LUZP4: variants seen among roughly 807,000 people sequenced by gnomAD.
LUZP4 encodes the protein leucine zipper protein 4, also known as HOM-TES-85 tumor antigen.
Under a neutral mutation model 8.5 loss-of-function variants are expected in LUZP4, and 11 were observed. That is an observed-to-expected ratio of 1.30 (90% CI 0.82 to 2.14). The LOEUF (loss-of-function observed/expected upper bound fraction) is 2.14, where lower values mean the gene tolerates loss of function less well. LUZP4 is among the 30% of genes most tolerant of loss of function. The probability of loss-of-function intolerance (pLI) is 0.00; values close to 1 mark genes in which losing one functional copy is unlikely to be tolerated. For synonymous variants in LUZP4, 104 were observed against 79.4 expected (o/e 1.31, Z -1.65); for missense variants, 276 against 229.7 (o/e 1.20, Z -1.30).
chrX:115,301,951 T>A, intron 1 of LUZP4, 41 bp from the exon 2 acceptor site: 1 of 999,391 alleles, frequency 1.0e-6, no homozygotes, highest in South Asian at 2.6e-5. Flanking sequence ...ATTATTTGGC[T>A]TTTGCCATTT....
chrX:115,303,668 G>A (rs1222568395), intron 3 of LUZP4, among the ~76,000 whole-genome samples: 1 of 112,005 alleles, frequency 8.9e-6, no homozygotes, highest in African/African-American at 3.2e-5. Flanking sequence ...CGCCAAAATA[G>A]ATTATTAATT....
intron 3 of LUZP4, among the ~76,000 whole-genome samples, chrX:115,304,195 A>G (rs1556602828): frequency 8.9e-6 from 1 of 112,424 alleles, no homozygotes; most frequent in African/African-American, 3.2e-5. Context: ...ATGATACCAG[A>G]ACAGCCTGCT....
intron 1 of LUZP4, among the ~76,000 whole-genome samples, chrX:115,297,114 C>T (rs1268652453): frequency 3.6e-5 from 4 of 111,602 alleles, no homozygotes; most frequent in Admixed American, 2.9e-4. Flanking sequence ...CAATTACGCT[C>T]TTTATTTTAA....
At position 115,303,379 on chromosome X, in the gene LUZP4, T is replaced by C. The variant is rs2073406560; in HGVS notation, c.303T>C (p.Ser101=). Residue 101 remains serine, a synonymous_variant, in exon 3 of 4, where the codon TCT becomes TCC. Transcript: ENST00000371920. ...KPSQKPSGFK[S]GQHPLNGQPL... The stretch of plus-strand genomic sequence containing the variant: ...CCCAAAAACCTTCTGGATTCAAGTC[T>C]GGACAACACCCTTTAAATGGGCAGC... The C allele has an allele frequency of 5.9e-6, 7 of 1,188,355 alleles. No individual in the cohort carries two copies. The African/African-American group carries it at 7.0e-5, about 12-fold the overall frequency.
In LUZP4 at chrX:115,289,784, C is replaced by G; in HGVS notation, c.25C>G (p.Leu9Val). 1 of 1,209,641 alleles carries G rather than the reference C, an allele frequency of 8.3e-7. No homozygotes were observed. Among genetic ancestry groups the G allele is most frequent in the Non-Finnish European group, 1.1e-6 (1 of 893,943 alleles). MASFRKLT[L>V]SEKVPPNHPS... ...GATGGCTTCGTTTCGGAAGCTAACG[C>G]TTTCTGAAAAAGTGCCGCCAAATCA... The change falls in exon 1 of 4, where the codon CTT (leucine) becomes GTT (valine). Residue 9 changes from leucine (L) to valine (V), a missense_variant. Transcript: ENST00000371920.
chrX:115,293,749 G>A (rs1001412917), intron 1 of LUZP4, among the ~76,000 whole-genome samples: 13 of 110,034 alleles, frequency 1.2e-4, no homozygotes, highest in Non-Finnish European at 1.5e-4. Context: ...TCAGGAGTTC[G>A]AGACCAGCCT....
intron 1 of LUZP4, among the ~76,000 whole-genome samples, chrX:115,299,143 A>C (rs781876101): frequency 4.5e-5 from 5 of 111,147 alleles, no homozygotes; most frequent in African/African-American, 1.3e-4. Context: ...TTTTCTCCTA[A>C]ACAAACAGAG....
At chrX:115,295,375 G>A (rs1296280348) in intron 1 of LUZP4, among the ~76,000 whole-genome samples, 1 of 112,314 alleles carries the variant, frequency 8.9e-6, no homozygotes, top group Non-Finnish European at 1.9e-5. Context: ...CACCGTGCCA[G>A]GCTGAGGCCC....
chrX:115,297,539 C>A (rs1344427003), intron 1 of LUZP4, among the ~76,000 whole-genome samples: 1 of 111,816 alleles, frequency 8.9e-6, no homozygotes, highest in Non-Finnish European at 1.9e-5. Context: ...ATATGCTATT[C>A]TAAGGTAAAG....
intron 1 of LUZP4, among the ~76,000 whole-genome samples, chrX:115,290,997 G>A (rs782788292): frequency 1.4e-4 from 16 of 111,217 alleles, no homozygotes; most frequent in Non-Finnish European, 2.6e-4. Flanking sequence ...GTAGAGCGAG[G>A]TTTCACCATG....
chrX:115,296,727 G>T (rs186659844), intron 1 of LUZP4, among the ~76,000 whole-genome samples: 1 of 111,377 alleles, frequency 9.0e-6, no homozygotes, highest in Admixed American at 9.6e-5. Flanking sequence ...AAATCAAATG[G>T]TGGTCTCTGG....
In LUZP4 at chrX:115,303,302, T is replaced by C. The variant is rs1415518126; in HGVS notation, c.226T>C (p.Tyr76His). 1.9e-6 allele frequency: 2 copies of C among 1,077,295 alleles called. No homozygotes were observed. Among genetic ancestry groups the C allele is most frequent in the Non-Finnish European group, 2.5e-6 (2 of 787,969 alleles). 88.8% of individuals were successfully genotyped at this position (1,077,295 alleles called of 1,213,427 possible). The change falls in exon 3 of 4, where the codon TAC (tyrosine) becomes CAC (histidine). Residue 76 changes from tyrosine (Y) to histidine (H), a missense_variant and splice_region_variant. Tyr to His is a moderately conservative substitution (Grantham distance 83, BLOSUM62 2). Transcript: ENST00000371920. ...KAHRHRHRRG[Y>H]SRCRSNSEEG... Reference sequence around the variant, plus strand: ...CAGAAAATATTTATTTTTCAAAGGCTACTCAAGATGCAGAAGCAACTCTGA... The same window carrying C: ...CAGAAAATATTTATTTTTCAAAGGCCACTCAAGATGCAGAAGCAACTCTGA...
intron 1 of LUZP4, among the ~76,000 whole-genome samples, chrX:115,293,826 C>T (rs922063197): frequency 7.3e-5 from 8 of 109,129 alleles, no homozygotes; most frequent in African/African-American, 1.0e-4. Context: ...AGGCAGGCGC[C>T]TGTAGTCCCA....
rs1556602409 is a variant in LUZP4, at chrX:115,303,369, G to T, written c.293G>T (p.Gly98Val). The T allele has an allele frequency of 8.3e-7, 1 of 1,198,867 alleles. No homozygotes were observed. The highest frequency in any genetic ancestry group is 3.0e-5 in the East Asian group (1 of 33,337). ...HDKKPSQKPS[G>V]FKSGQHPLNG... ...AAAAAACCATCCCAAAAACCTTCTG[G>T]ATTCAAGTCTGGACAACACCCTTTA... The change falls in exon 3 of 4, where the codon GGA (glycine) becomes GTA (valine). Residue 98 changes from glycine to valine, a missense_variant. Coordinates refer to ENST00000371920, the MANE Select transcript of LUZP4 (RefSeq NM_016383.5).
At chrX:115,305,402 T>TC (rs1266824430) in intron 3 of LUZP4, among the ~76,000 whole-genome samples, 2 of 112,447 alleles carry the variant, frequency 1.8e-5, no homozygotes, top group African/African-American at 3.2e-5. Context: ...CCCTGCTGTT[T>TC]AGCAGTTGCT....
chrX:115,300,097 C>G (rs1189907999), intron 1 of LUZP4, among the ~76,000 whole-genome samples: 3 of 110,922 alleles, frequency 2.7e-5, no homozygotes, highest in Non-Finnish European at 5.7e-5. Flanking sequence ...TCTTCCCTCT[C>G]TTCTCAAGTG....
At chrX:115,290,519 C>T (rs1195417514) in intron 1 of LUZP4, among the ~76,000 whole-genome samples, 1 of 111,506 alleles carries the variant, frequency 9.0e-6, no homozygotes, top group Admixed American at 9.5e-5. Flanking sequence ...AAAAGAACTC[C>T]TTTATCAAGG....
At chrX:115,289,929 T>A (rs782469388) in intron 1 of LUZP4, 79 bp downstream of exon 1, 4 of 725,287 alleles carry the variant, frequency 5.5e-6, no homozygotes, top group Non-Finnish European at 8.4e-6. Flanking sequence ...TAGCGCTTAC[T>A]AGAAGTGGCG....
At chrX:115,294,910 G>A (rs1556598407) in intron 1 of LUZP4, among the ~76,000 whole-genome samples, 1 of 111,272 alleles carries the variant, frequency 9.0e-6, no homozygotes, top group Non-Finnish European at 1.9e-5. Flanking sequence ...TGAGGTCACT[G>A]TTTTATCCTT....
Sources: allele counts gnomAD v4.1 joint callset (sites outside exome capture counted in the v4.1 genomes callset), GRCh38; gene constraint gnomAD v4.1.1; transcripts MANE v1.5; gene names NCBI Gene and HGNC (gene_info 2026-07-23, HGNC 2026-07-21).